TG: variants seen among roughly 807,000 people sequenced by gnomAD.
TG encodes the protein thyroglobulin.
In TG, 270 loss-of-function variants were observed where a neutral mutation model predicts 324.7. The ratio of observed to expected loss-of-function variants is 0.83; its 90% CI spans 0.75 to 0.92. The LOEUF is 0.92. TG is among the 40% of genes least tolerant of loss of function. The pLI, the probability that TG is intolerant of heterozygous loss-of-function variation, is 0.00. For missense variants in TG, 3,591 were observed against 3,456.4 expected (o/e 1.04, Z -0.98); for synonymous variants, 1,401 against 1,327.0 (o/e 1.06, Z -1.21).
intron 41 of TG, among the ~76,000 whole-genome samples, chr8:133,077,021 T>C (rs1000547849): frequency 3.2e-4 from 48 of 152,094 alleles, no homozygotes; most frequent in African/African-American, 1.1e-3. Flanking sequence ...CTCAATGGGT[T>C]GATGGGACCG....
In TG at chr8:132,941,551, G is replaced by C. The variant is rs1563982757; in HGVS notation, c.5233+9G>C. ...CACACAGGTTCAAGGAGGTAATGTT[G>C]GCAGTGAGGGCCAGGGCCTAACAAG... On this transcript the variant is annotated intron_variant, in intron 26 of 47. Coordinates refer to ENST00000220616, the MANE Select transcript of TG (RefSeq NM_003235.5). 2 of 1,614,128 alleles carry C rather than the reference G, an allele frequency of 1.2e-6. No homozygotes were observed. The highest frequency in any genetic ancestry group is 4.5e-5 in the East Asian group (2 of 44,882).
chr8:132,985,539 G>T (rs1169717870), intron 35 of TG, among the ~76,000 whole-genome samples: 2 of 152,116 alleles, frequency 1.3e-5, no homozygotes, highest in Non-Finnish European at 2.9e-5. Flanking sequence ...TTAATATCAA[G>T]ATTTGGGGTT....
At chr8:133,051,015 C>G (rs1456410309) in intron 41 of TG, 2 of 688,652 alleles carry the variant, frequency 2.9e-6, no homozygotes, top group Non-Finnish European at 5.2e-6. Context: ...TGAGATTTTC[C>G]AGCAGGAAAT....
At chr8:132,976,711 C>T (rs1392739164) in intron 34 of TG, among the ~76,000 whole-genome samples, 3 of 152,154 alleles carry the variant, frequency 2.0e-5, no homozygotes, top group Non-Finnish European at 4.4e-5. Context: ...ATGCACATGG[C>T]TTATGGGCAT....
chr8:133,009,402 A>G (rs1458660190), intron 35 of TG, among the ~76,000 whole-genome samples: 3 of 152,082 alleles, frequency 2.0e-5, no homozygotes, highest in Non-Finnish European at 4.4e-5. Flanking sequence ...ACATCTCCTG[A>G]GTCTTAGGAT....
At chr8:133,117,489 G>A (rs1850795329) in intron 45 of TG, among the ~76,000 whole-genome samples, 1 of 152,190 alleles carries the variant, frequency 6.6e-6, no homozygotes, top group South Asian at 2.1e-4. Context: ...ACTGCCCCAT[G>A]AGCTTACAGT....
At position 132,906,743 on chromosome 8, in the gene TG, G is replaced by A. The variant is rs1236592790; in HGVS notation, c.3690G>A (p.Leu1230=). Residue 1230 remains leucine (L), a synonymous_variant, in exon 17 of 48, where the codon CTG becomes CTA. Transcript: ENST00000220616. Reference sequence around the variant, plus strand: ...CGGAGGTGGTTGGTGGAACAATCCTGTGTGAGACAATCTCGGGCCCCACAG... The same window carrying A: ...CGGAGGTGGTTGGTGGAACAATCCTATGTGAGACAATCTCGGGCCCCACAG... ...NASEVVGGTI[L]CETISGPTGS... is the part of the protein sequence containing the mutation. The A allele has an allele frequency of 1.2e-6, 2 of 1,614,236 alleles. No individual in the cohort carries two copies. The highest frequency in any genetic ancestry group is 8.5e-7 in the Non-Finnish European group (1 of 1,180,042).
intron 29 of TG, among the ~76,000 whole-genome samples, chr8:132,966,258 AGG>A: frequency 1.3e-5 from 2 of 152,310 alleles, no homozygotes; most frequent in South Asian, 4.1e-4. Flanking sequence ...TTAGGTGAAA[AGG>A]TGGACCAGAT....
chr8:132,896,074 C>T (rs1006726996), intron 11 of TG, among the ~76,000 whole-genome samples: 8 of 152,226 alleles, frequency 5.3e-5, no homozygotes, highest in East Asian at 1.9e-4. Flanking sequence ...ATGAGCGTGG[C>T]GAAGGCCATG....
At chr8:132,946,741 G>T (rs1003588192) in intron 26 of TG, among the ~76,000 whole-genome samples, 1 of 152,122 alleles carries the variant, frequency 6.6e-6, no homozygotes, top group Non-Finnish European at 1.5e-5. Context: ...TGGAAGTGGG[G>T]CTCTGAGGGC....
chr8:133,025,534 G>A (rs1294671145), intron 40 of TG, among the ~76,000 whole-genome samples: 2 of 152,078 alleles, frequency 1.3e-5, no homozygotes, highest in Non-Finnish European at 2.9e-5. Context: ...CTTTGGTTGG[G>A]CACATGTGTT....
chr8:133,021,292 C>G (rs151244638), intron 39 of TG, among the ~76,000 whole-genome samples: 2 of 152,196 alleles, frequency 1.3e-5, no homozygotes, highest in African/African-American at 4.8e-5. Context: ...TGGGTCCAGT[C>G]ACAGAGCATC....
At chr8:132,901,268 C>A in intron 15 of TG, 85 bp from the exon 16 acceptor site, 1 of 1,528,204 alleles carries the variant, frequency 6.5e-7, no homozygotes, top group South Asian at 1.1e-5. Context: ...CTGAGGGTGG[C>A]CGTGGGTGGT....
chr8:133,092,980 C>A, intron 41 of TG, among the ~76,000 whole-genome samples: 1 of 152,230 alleles, frequency 6.6e-6, no homozygotes, highest in Middle Eastern at 3.4e-3. Context: ...TTTTTATAGC[C>A]GAAGGAAATA....
chr8:132,967,689 G>A (rs981875354), intron 30 of TG, 105 bp from the exon 31 acceptor site: 2 of 1,296,776 alleles, frequency 1.5e-6, no homozygotes, highest in Admixed American at 3.8e-5. Flanking sequence ...GCCCTAACTA[G>A]GAGGGATCTC....
At position 132,913,193 on chromosome 8, in the gene TG, A is replaced by G. The variant is rs758663733; in HGVS notation, c.4306A>G (p.Thr1436Ala). Residue 1436 changes from threonine to alanine, a missense_variant, in exon 20 of 48, where the codon ACA becomes GCA. Physicochemically the swap from Thr to Ala is moderately conservative, Grantham distance 58 (BLOSUM62 0). Coordinates refer to ENST00000220616, the MANE Select transcript of TG (RefSeq NM_003235.5). ...QGDHFGTSPRTWFGCSEGFYQ... is the reference protein window; with the variant it reads ...QGDHFGTSPRAWFGCSEGFYQ... Reference sequence around the variant, plus strand: ...GGACCACTTTGGCACCTCTCCCAGGACATGGTTTGGGTGCTCGGAAGGATT... The same window carrying G: ...GGACCACTTTGGCACCTCTCCCAGGGCATGGTTTGGGTGCTCGGAAGGATT... 1 of 1,614,134 alleles carries G rather than the reference A, an allele frequency of 6.2e-7. No homozygotes were observed. Among genetic ancestry groups the G allele is most frequent in the African/African-American group, 1.3e-5 (1 of 75,046 alleles).
chr8:133,087,000 G>A (rs1013445119), intron 41 of TG, among the ~76,000 whole-genome samples: 1 of 151,594 alleles, frequency 6.6e-6, no homozygotes, highest in Non-Finnish European at 1.5e-5. Context: ...GAATGATATC[G>A]ACAATGGATT....
intron 27 of TG, among the ~76,000 whole-genome samples, 198 bp from the exon 28 acceptor site, chr8:132,960,810 C>T (rs1356362760): frequency 6.6e-6 from 1 of 152,118 alleles, no homozygotes; most frequent in Admixed American, 6.5e-5. Context: ...GTATGACACC[C>T]ATGTCTGACC....
rs773717824 is a variant in TG at position 133,133,632 on chromosome 8, G to A, written c.8160G>A (p.Lys2720=). Residue 2720 remains lysine (K), a synonymous_variant, in exon 47 of 48, where the codon AAG becomes AAA. Transcript: ENST00000220616. ...LKKADCSFWS[K]YISSLKTSAD... ...AAGCCGACTGCTCCTTCTGGTCCAA[G>A]TACATCTCGTCTCTGAAGACATCTG... 2 of 1,614,134 alleles carry A rather than the reference G, an allele frequency of 1.2e-6. No homozygotes were observed. Among genetic ancestry groups the A allele is most frequent in the South Asian group, 2.2e-5 (2 of 91,084 alleles).
Sources: gnomAD v4.1 joint callset for allele counts (sites outside exome capture counted in the v4.1 genomes callset) on GRCh38, gnomAD v4.1.1 for gene constraint, MANE v1.5 for transcripts, NCBI Gene and HGNC (gene_info 2026-07-23, HGNC 2026-07-21) for gene names.